The following VIPR2 variants were observed in gnomAD, a reference collection of about 807,000 sequenced individuals.
The protein encoded by VIPR2 is vasoactive intestinal peptide receptor 2.
In VIPR2, 48 loss-of-function variants were observed where a neutral mutation model predicts 58.0. The ratio of observed to expected loss-of-function variants is 0.83; its 90% confidence interval spans 0.66 to 1.05. The LOEUF (loss-of-function observed/expected upper bound fraction) is 1.05, where lower values mean the gene tolerates loss of function less well. Ranked by LOEUF, VIPR2 falls within the 50% of genes least tolerant of loss-of-function variation. The pLI, the probability that VIPR2 is intolerant of heterozygous loss-of-function variation, is 0.00. For synonymous variants in VIPR2, 243 were observed against 235.2 expected, an observed-to-expected ratio of 1.03 and a Z score of -0.30; for missense variants, 534 against 558.0, an observed-to-expected ratio of 0.96 and a Z score of 0.43.
intron 1 of VIPR2, 113 bp downstream of exon 1, chr7:159,144,608 G>A (rs1252321638): frequency 2.9e-6 from 4 of 1,381,940 alleles, no homozygotes; most frequent in South Asian, 3.3e-5. Flanking sequence ...CCCGGACCCC[G>A]CCCGCGCTCC....
At chr7:159,123,523 T>C (rs927832391) in intron 2 of VIPR2, among the ~76,000 whole-genome samples, 4 of 152,176 alleles carry the variant, frequency 2.6e-5, no homozygotes, top group Non-Finnish European at 5.9e-5. Flanking sequence ...CCATGGTGTA[T>C]ATGTACCACA....
chr7:159,031,344 C>CG lies in VIPR2; in HGVS notation c.1143+483dup. On this transcript the variant is annotated intron_variant, in intron 12 of 12. Coordinates refer to ENST00000262178, the MANE Select transcript of VIPR2 (RefSeq NM_003382.5). This position sits in a 1 kb window ranked among gnomAD's most constrained non-coding sequence, Gnocchi z 4.0. Reference sequence around the variant, plus strand: ...GGCGGGAGGGTCAGGGGTCAGGGGACGGGGCCAGGCCGTTGGAGCAGCCCG... The same window carrying CG: ...GGCGGGAGGGTCAGGGGTCAGGGGACGGGGGCCAGGCCGTTGGAGCAGCCCG... 1 of 812,622 alleles carries CG rather than the reference C, an allele frequency of 1.2e-6. No individual in the cohort carries two copies. Among genetic ancestry groups the CG allele is most frequent in the Non-Finnish European group, 1.5e-6 (1 of 672,140 alleles). 50.3% of individuals were successfully genotyped at this position (812,622 alleles called of 1,614,324 possible).
At chr7:159,140,895 C>T (rs776525302) in intron 2 of VIPR2, among the ~76,000 whole-genome samples, 8 of 152,018 alleles carry the variant, frequency 5.3e-5, no homozygotes, top group African/African-American at 9.7e-5. Context: ...GTCCAGCTAC[C>T]GTGCAGAGAG....
intron 6 of VIPR2, among the ~76,000 whole-genome samples, chr7:159,037,558 T>C (rs1384674079): frequency 1.3e-5 from 2 of 152,156 alleles, no homozygotes; most frequent in Non-Finnish European, 2.9e-5. Context: ...AGTTCCTCAA[T>C]TGTAAAAAAC....
intron 2 of VIPR2, among the ~76,000 whole-genome samples, chr7:159,135,132 T>C (rs992846997): frequency 4.6e-5 from 7 of 151,152 alleles, no homozygotes; most frequent in Non-Finnish European, 8.8e-5. Flanking sequence ...TTAAGAAAAG[T>C]GAGTCTTTAA....
rs371635484 is a variant in VIPR2, at chr7:159,101,203, G to A, written c.357+2554C>T. On this transcript the variant is annotated intron_variant, in intron 4 of 12. Coordinates refer to ENST00000262178, the MANE Select transcript of VIPR2 (RefSeq NM_003382.5). ...TCCTGTGATAGTGAACGGGTCTCAC[G>A]AGATCCGACGAGGCCGTTCCCCCGA... Among the ~76,000 whole-genome samples, 6 of 143,652 alleles carry A rather than the reference G, an allele frequency of 4.2e-5. No individual in the cohort carries two copies. In the South Asian group the frequency reaches 1.1e-3, roughly 27 times the overall value. The allele number at this position is 143,652 out of a possible 152,430, so 94.2% of individuals were successfully genotyped here.
rs1292524550 is a variant in VIPR2 at position 159,033,806 on chromosome 7, G to A, written c.971+407C>T. On this transcript the variant is annotated intron_variant, in intron 10 of 12. Coordinates refer to ENST00000262178, the MANE Select transcript of VIPR2 (RefSeq NM_003382.5). ...CTGTGTGGTCAAGGAGAAAAAGACA[G>A]GCTGTATAACATGTAAGTGGGCGGA... Among the ~76,000 whole-genome samples, 7 of 152,166 alleles carry A rather than the reference G, an allele frequency of 4.6e-5. No individual in the cohort carries two copies. The East Asian group carries it at 1.3e-3, about 29-fold the overall frequency.
intron 2 of VIPR2, among the ~76,000 whole-genome samples, chr7:159,131,876 G>C (rs1796927781): frequency 6.6e-6 from 1 of 152,188 alleles, no homozygotes; most frequent in African/African-American, 2.4e-5. Context: ...CACTTAACCT[G>C]AGCCATTTCT....
chr7:159,041,457 C>T (rs980095723), intron 6 of VIPR2, among the ~76,000 whole-genome samples: 2 of 148,796 alleles, frequency 1.3e-5, no homozygotes, highest in African/African-American at 2.5e-5. Context: ...AACGGTCTGT[C>T]AAGGGTCTGT....
chr7:159,035,179 G>A (rs1436164739), intron 8 of VIPR2, among the ~76,000 whole-genome samples: 2 of 152,202 alleles, frequency 1.3e-5, no homozygotes, highest in Non-Finnish European at 2.9e-5. Context: ...CACACCCTGC[G>A]CTGGAAGTCT....
At chr7:159,107,023 G>A (rs1795775468) in intron 3 of VIPR2, among the ~76,000 whole-genome samples, 1 of 152,104 alleles carries the variant, frequency 6.6e-6, no homozygotes, top group African/African-American at 2.4e-5. Flanking sequence ...AAAGGTTGTG[G>A]GGGGTGGGAG....
intron 2 of VIPR2, among the ~76,000 whole-genome samples, chr7:159,134,216 A>G (rs893003875): frequency 6.6e-6 from 1 of 152,248 alleles, no homozygotes. Flanking sequence ...GTGCTGAGAA[A>G]GTACATGCCA....
intron 2 of VIPR2, among the ~76,000 whole-genome samples, chr7:159,119,865 C>T (rs1039925201): frequency 6.7e-6 from 1 of 150,370 alleles, no homozygotes; most frequent in Admixed American, 6.6e-5. Context: ...CCTTGATGCA[C>T]GAAGCCTGGT....
chr7:159,113,046 A>T (rs1796098996), intron 2 of VIPR2, among the ~76,000 whole-genome samples: 1 of 152,150 alleles, frequency 6.6e-6, no homozygotes. Context: ...ATCCAGAAGG[A>T]GTGGCTCTAG....
intron 3 of VIPR2, among the ~76,000 whole-genome samples, chr7:159,107,362 T>C (rs1333128356): frequency 1.3e-5 from 2 of 152,186 alleles, no homozygotes; most frequent in African/African-American, 4.8e-5. Context: ...GCATGGGGCA[T>C]GAACAGCAGC....
At position 159,077,834 on chromosome 7, in the gene VIPR2, G is replaced by A. The variant is rs188049155; in HGVS notation, c.358-19256C>T. 5.2e-4 allele frequency among the ~76,000 whole-genome samples: 79 copies of A among 152,322 alleles called. No homozygotes were observed. In the East Asian group the frequency reaches 0.014, roughly 26 times the overall value. ...TTATCAGATTCTAGCCCTGTTCAAT[G>A]TCTTTGAGGTTTGCTGTGTACCTCT... On this transcript the variant is annotated intron_variant, in intron 4 of 12. Transcript: ENST00000262178.
intron 2 of VIPR2, among the ~76,000 whole-genome samples, chr7:159,138,691 C>T (rs7798096): frequency 0.015 from 2,342 of 152,340 alleles, 57 homozygotes; most frequent in African/African-American, 0.052. Context: ...CCAGCTTCCA[C>T]GTGTCTGGAA....
chr7:159,044,271 G>T (rs1185772006), intron 5 of VIPR2, among the ~76,000 whole-genome samples: 1 of 151,942 alleles, frequency 6.6e-6, no homozygotes, highest in African/African-American at 2.4e-5. Context: ...GACCAATAAA[G>T]ACCAAGAGTC....
chr7:159,073,613 T>C (rs1856507703), intron 4 of VIPR2, among the ~76,000 whole-genome samples: 1 of 152,204 alleles, frequency 6.6e-6, no homozygotes, highest in Non-Finnish European at 1.5e-5. Context: ...TACATCATGT[T>C]ACCCAGGCTG....
Sources: gnomAD v4.1 joint callset for allele counts (sites outside exome capture counted in the v4.1 genomes callset) on GRCh38, gnomAD v4.1.1 for gene constraint, Gnocchi (gnomAD v3.1) non-coding constraint, MANE v1.5 for transcripts, NCBI Gene and HGNC (gene_info 2026-07-23, HGNC 2026-07-21) for gene names.